Variants in KLHL3 observed in about 807,000 individuals in gnomAD.
The protein encoded by KLHL3 is kelch like family member 3.
KLHL3 carries 19 observed loss-of-function variants against 70.5 expected under a neutral mutation model. The ratio of observed to expected loss-of-function variants is 0.27; its 90% CI spans 0.19 to 0.40. The LOEUF is 0.40. Among genes scored for constraint, KLHL3 ranks in the 10% least tolerant of loss-of-function variants. The pLI is 1.00. For synonymous variants in KLHL3, 258 were observed against 290.3 expected (o/e 0.89, Z 1.13); for missense variants, 512 against 771.1 (o/e 0.66, Z 3.98).
rs1470208028 is a variant in KLHL3, at chr5:137,639,206, T to C, written c.1022-56A>G. 5 of 1,543,314 alleles carry C rather than the reference T, an allele frequency of 3.2e-6. No individual in the cohort carries two copies. The highest frequency in any genetic ancestry group is 4.4e-6 in the Non-Finnish European group (5 of 1,124,740). ...CAGGTCAGGCGCATGACTGCTCATG[T>C]TGATGGATGGCAATGGAGGAGCAAG... On this transcript the variant is annotated intron_variant, in intron 9 of 14. Transcript: ENST00000309755. This position sits in a 1 kb window ranked among gnomAD's most constrained non-coding sequence, Gnocchi z 5.0.
chr5:137,735,755 A>C lies in KLHL3; in HGVS notation c.-109T>G. 2.0e-6 allele frequency: 3 copies of C among 1,471,448 alleles called. No homozygotes were observed. Among genetic ancestry groups the C allele is most frequent in the Non-Finnish European group, 1.9e-6 (2 of 1,050,446 alleles). 91.1% of individuals were successfully genotyped at this position (1,471,448 alleles called of 1,614,324 possible). A position where few individuals can be genotyped will look rare whatever the true frequency, so the allele number is the denominator to read the frequency against. On this transcript the variant is annotated 5_prime_UTR_variant, in exon 1 of 15. Coordinates refer to ENST00000309755, the MANE Select transcript of KLHL3 (RefSeq NM_017415.3). ...ACCAGTGGGAAATCTGATCAGCAAC[A>C]GTGATTCAGCATGGCTGCAAGTGAA...
chr5:137,685,609 C>T (rs1403451910), intron 5 of KLHL3, among the ~76,000 whole-genome samples: 8 of 152,120 alleles, frequency 5.3e-5, no homozygotes, highest in African/African-American at 1.9e-4. Flanking sequence ...GAATATATTA[C>T]CTAAATGTTT....
At chr5:137,693,821 T>TA (rs1752381399) in intron 4 of KLHL3, among the ~76,000 whole-genome samples, 1 of 152,068 alleles carries the variant, frequency 6.6e-6, no homozygotes, top group Non-Finnish European at 1.5e-5. Flanking sequence ...GGGCTGCAGA[T>TA]GCATTTGTTT....
At chr5:137,646,917 T>C (rs1159526739) in intron 8 of KLHL3, among the ~76,000 whole-genome samples, 1 of 152,200 alleles carries the variant, frequency 6.6e-6, no homozygotes, top group Non-Finnish European at 1.5e-5. Context: ...CATAATTTAA[T>C]CACTCTCGTG....
intron 1 of KLHL3, among the ~76,000 whole-genome samples, chr5:137,731,490 G>A (rs1215077463): frequency 6.6e-6 from 1 of 152,144 alleles, no homozygotes; most frequent in Non-Finnish European, 1.5e-5. Flanking sequence ...AAAGTGTACT[G>A]GCTTTCTAAG....
At chr5:137,713,077 A>T (rs1752826490) in intron 2 of KLHL3, among the ~76,000 whole-genome samples, 1 of 151,592 alleles carries the variant, frequency 6.6e-6, no homozygotes, top group African/African-American at 2.4e-5. Context: ...TAAGGTTACC[A>T]AGCAGGCAAG....
At chr5:137,644,872 A>T (rs1215832186) in intron 8 of KLHL3, among the ~76,000 whole-genome samples, 1 of 152,236 alleles carries the variant, frequency 6.6e-6, no homozygotes, top group African/African-American at 2.4e-5. Flanking sequence ...AAAGAAAACT[A>T]TAGACCAATA....
intron 4 of KLHL3, among the ~76,000 whole-genome samples, chr5:137,693,687 TCA>T (rs1402228895): frequency 6.6e-6 from 1 of 152,122 alleles, no homozygotes; most frequent in Non-Finnish European, 1.5e-5. Context: ...GGCATCCACT[TCA>T]CCCCAAAATA....
At chr5:137,674,378 C>T (rs1427913247) in intron 6 of KLHL3, among the ~76,000 whole-genome samples, 1 of 152,142 alleles carries the variant, frequency 6.6e-6, no homozygotes. Context: ...GGGTTCTCAG[C>T]TTGTTTAAGT....
In KLHL3 at chr5:137,735,768, G is replaced by A; in HGVS notation, c.-122C>T. On this transcript the variant is annotated 5_prime_UTR_variant, in exon 1 of 15. Coordinates refer to ENST00000309755, the MANE Select transcript of KLHL3 (RefSeq NM_017415.3). ...CTGATCAGCAACAGTGATTCAGCAT[G>A]GCTGCAAGTGAAGCCTCCTCCCTTC... is the stretch of plus-strand genomic sequence containing the variant. The A allele has an allele frequency of 7.4e-7, 1 of 1,349,578 alleles. No homozygotes were observed. Among genetic ancestry groups the A allele is most frequent in the South Asian group, 1.2e-5 (1 of 85,474 alleles). The allele number at this position is 1,349,578 out of a possible 1,614,324, so 83.6% of individuals were successfully genotyped here.
intron 8 of KLHL3, chr5:137,647,797 G>T: frequency 2.8e-6 from 1 of 355,546 alleles, no homozygotes; most frequent in Non-Finnish European, 5.7e-6. Context: ...TGAGGGCAAG[G>T]CCCGGGGGGA....
intron 6 of KLHL3, chr5:137,672,866 G>T (rs1322706960): frequency 1.3e-5 from 2 of 152,174 alleles, no homozygotes; most frequent in African/African-American, 2.4e-5. Context: ...TGTCTCAAGG[G>T]GAAATACAAT....
chr5:137,713,780 C>T (rs1329635674), intron 2 of KLHL3, among the ~76,000 whole-genome samples: 1 of 152,144 alleles, frequency 6.6e-6, no homozygotes, highest in African/African-American at 2.4e-5. Flanking sequence ...AAATCATCTA[C>T]CTGATAATGA....
intron 3 of KLHL3, among the ~76,000 whole-genome samples, chr5:137,704,519 A>T (rs551109505): frequency 2.0e-5 from 3 of 152,370 alleles, no homozygotes; most frequent in African/African-American, 7.2e-5. Flanking sequence ...AGGCCCCCAC[A>T]TCACCAACTC....
chr5:137,657,436 T>C lies in KLHL3; in HGVS notation c.903+695A>G, dbSNP rs527691585. Among the ~76,000 whole-genome samples the C allele has an allele frequency of 2.8e-4, 42 of 152,194 alleles. 1 individual carries two copies. The highest frequency in any genetic ancestry group is 6.8e-3 in the Middle Eastern group (2 of 294). The stretch of plus-strand genomic sequence containing the variant: ...CTTTAGGGATCGAGTGGAGCATCCC[T>C]CATTCTATAGATAAGGAGCCTGAGG... On this transcript the variant is annotated intron_variant, in intron 8 of 14. Coordinates refer to ENST00000309755, the MANE Select transcript of KLHL3 (RefSeq NM_017415.3).
intron 6 of KLHL3, among the ~76,000 whole-genome samples, chr5:137,670,011 ACTCTGCC>A (rs1448008214): frequency 6.6e-6 from 1 of 151,990 alleles, no homozygotes; most frequent in African/African-American, 2.4e-5. Flanking sequence ...GACTAGATGA[ACTCTGCC>A]CATGTGCTAT....
intron 1 of KLHL3, among the ~76,000 whole-genome samples, chr5:137,734,233 A>G (rs1038140361): frequency 1.3e-5 from 2 of 152,176 alleles, no homozygotes; most frequent in Non-Finnish European, 2.9e-5. Context: ...TCTGCCACCT[A>G]CCAGATCAAT....
At position 137,651,157 on chromosome 5, in the gene KLHL3, T is replaced by C. The variant is rs1580733052; in HGVS notation, c.903+6974A>G. On this transcript the variant is annotated intron_variant, in intron 8 of 14. Transcript: ENST00000309755. ...CAGTATTAAGTCTCTATGAGGTTATTTCTTCTTTAAAAATGTATTTCTTTA... is the reference window on the plus strand; with the variant it reads ...CAGTATTAAGTCTCTATGAGGTTATCTCTTCTTTAAAAATGTATTTCTTTA... 2.6e-5 allele frequency among the ~76,000 whole-genome samples: 4 copies of C among 152,216 alleles called. No individual in the cohort carries two copies. The East Asian group carries it at 7.7e-4, about 29-fold the overall frequency.
intron 6 of KLHL3, among the ~76,000 whole-genome samples, chr5:137,666,750 A>G (rs1217285832): frequency 2.0e-5 from 3 of 152,156 alleles, no homozygotes; most frequent in Non-Finnish European, 4.4e-5. Flanking sequence ...TATTTTTTTC[A>G]TTCAGACTTC....
Sources: allele counts gnomAD v4.1 joint callset (sites outside exome capture counted in the v4.1 genomes callset), GRCh38; gene constraint gnomAD v4.1.1; non-coding constraint Gnocchi (gnomAD v3.1); transcripts MANE v1.5; gene names NCBI Gene and HGNC (gene_info 2026-07-23, HGNC 2026-07-21).